SNX29: variants seen among roughly 807,000 people sequenced by gnomAD.
SNX29 encodes sorting nexin 29, also known as sorting nexin-29.
Under a neutral mutation model 102.1 loss-of-function variants are expected in SNX29, and 78 were observed. That is an observed-to-expected ratio of 0.76 (90% confidence interval 0.64 to 0.92). The LOEUF (loss-of-function observed/expected upper bound fraction) is 0.92. SNX29 is among the 40% of genes least tolerant of loss of function. SNX29 has a pLI of 0.00. For synonymous variants in SNX29, 580 were observed against 414.5 expected (o/e 1.40, Z -4.85); for missense variants, 1,280 against 1,061.7 (o/e 1.21, Z -2.86).
In SNX29 at chr16:11,980,371, T is replaced by C. The variant is rs78596539; in HGVS notation, c.7+3558T>C. 3.9e-5 allele frequency among the ~76,000 whole-genome samples: 6 copies of C among 152,340 alleles called. No homozygotes were observed. The East Asian group carries it at 5.8e-4, about 15-fold the overall frequency. ...ATTCCTTTTTGTGGCCACATTATAT[T>C]CCTTTATGTGGATATCATATTTTGT... On this transcript the variant is annotated intron_variant, in intron 1 of 20. Coordinates refer to ENST00000566228, the MANE Select transcript of SNX29 (RefSeq NM_032167.5).
intron 18 of SNX29, among the ~76,000 whole-genome samples, chr16:12,441,013 C>G (rs2085775993): frequency 6.6e-6 from 1 of 151,492 alleles, no homozygotes; most frequent in South Asian, 2.1e-4. Context: ...ACGTGGCCTT[C>G]TATGCTTGGC....
At chr16:12,558,005 G>A (rs758376490) in intron 20 of SNX29, among the ~76,000 whole-genome samples, 4 of 152,106 alleles carry the variant, frequency 2.6e-5, no homozygotes. Context: ...GGTTGGGCTG[G>A]GTGCTGCAGT....
chr16:12,250,216 C>T (rs572532485), intron 14 of SNX29, among the ~76,000 whole-genome samples: 4 of 152,316 alleles, frequency 2.6e-5, no homozygotes, highest in Non-Finnish European at 4.4e-5. Flanking sequence ...AGAGCGGGCA[C>T]GGGAGTTGAA....
At chr16:12,560,071 A>AT (rs2078631428) in intron 20 of SNX29, among the ~76,000 whole-genome samples, 2 of 152,010 alleles carry the variant, frequency 1.3e-5, no homozygotes, top group Non-Finnish European at 2.9e-5. Flanking sequence ...CTATGTAACT[A>AT]CTGTCCTAAC....
intron 18 of SNX29, among the ~76,000 whole-genome samples, chr16:12,425,647 G>A (rs745937784): frequency 5.3e-5 from 8 of 151,828 alleles, no homozygotes; most frequent in Admixed American, 1.3e-4. Context: ...ATGGACAGAC[G>A]TATCTGGTTT....
intron 1 of SNX29, among the ~76,000 whole-genome samples, chr16:11,982,553 C>A (rs1242729776): frequency 6.6e-6 from 1 of 151,882 alleles, no homozygotes; most frequent in Non-Finnish European, 1.5e-5. Context: ...CCTCAGCCTC[C>A]CGAGTAGCTG....
intron 9 of SNX29, among the ~76,000 whole-genome samples, chr16:12,064,752 A>G (rs2050946072): frequency 6.6e-6 from 1 of 152,186 alleles, no homozygotes; most frequent in Non-Finnish European, 1.5e-5. Context: ...ACTGGTGCCA[A>G]GACTCTGCCT....
intron 16 of SNX29, among the ~76,000 whole-genome samples, chr16:12,378,989 T>C (rs566066632): frequency 6.6e-6 from 1 of 152,176 alleles, no homozygotes. Flanking sequence ...GGACAAGATA[T>C]GCTGATTGAC....
intron 18 of SNX29, among the ~76,000 whole-genome samples, chr16:12,467,122 C>G (rs992769636): frequency 6.6e-6 from 1 of 152,228 alleles, no homozygotes; most frequent in Non-Finnish European, 1.5e-5. Flanking sequence ...TCACTTCTAA[C>G]TAGCTCTTTG....
intron 4 of SNX29, among the ~76,000 whole-genome samples, chr16:12,032,760 T>C (rs1162309629): frequency 6.6e-6 from 1 of 152,042 alleles, no homozygotes; most frequent in Non-Finnish European, 1.5e-5. Context: ...GGGTTTTCCA[T>C]AGAGGCTATA....
At chr16:12,419,694 G>C (rs932092966) in intron 18 of SNX29, among the ~76,000 whole-genome samples, 2 of 152,100 alleles carry the variant, frequency 1.3e-5, no homozygotes, top group African/African-American at 4.8e-5. Context: ...GCTGCCCCCA[G>C]GGGAAAGGCC....
chr16:12,516,481 GAA>G (rs5815691), intron 19 of SNX29, among the ~76,000 whole-genome samples: 16 of 109,522 alleles, frequency 1.5e-4, no homozygotes, highest in East Asian at 5.3e-4. Flanking sequence ...TCCCGTCTCA[GAA>G]AAAAAAAAAA....
rs759841495 is a variant in SNX29, at chr16:12,061,546, C to G, written c.1143C>G (p.Thr381=). The stretch of plus-strand genomic sequence containing the variant: ...ACCTTAGGCCACTGGAAGGGAACAC[C>G]TGCCTCTCCCAGATGCACAGCTGGG... ...ESPEKPLEGN[T]CLSQMHSWAP... The change falls in exon 9 of 21, where the codon ACC becomes ACG. Residue 381 remains threonine (T), a synonymous_variant. Transcript: ENST00000566228. 6 of 1,606,470 alleles carry G rather than the reference C, an allele frequency of 3.7e-6. No homozygotes were observed. The East Asian group carries it at 8.9e-5, about 24-fold the overall frequency.
At chr16:12,067,267 GA>G (rs968411567) in intron 9 of SNX29, among the ~76,000 whole-genome samples, 4 of 152,054 alleles carry the variant, frequency 2.6e-5, no homozygotes, top group African/African-American at 9.7e-5. Flanking sequence ...CAAGGTAGAA[GA>G]AAAGGTTAAA....
chr16:12,300,470 T>A (rs2080132789), intron 15 of SNX29, among the ~76,000 whole-genome samples: 1 of 152,192 alleles, frequency 6.6e-6, no homozygotes, highest in South Asian at 2.1e-4. Context: ...TGTTTGGCAT[T>A]GTGTTTTGCC....
intron 11 of SNX29, chr16:12,087,993 C>T (rs768806959): frequency 1.5e-5 from 7 of 456,648 alleles, no homozygotes; most frequent in South Asian, 1.1e-4. Context: ...GTGCAGGGGG[C>T]CATGGTCCTT....
Position 12,573,654 on chromosome 16 carries a change from C to T in SNX29, c.*5025C>T, listed in dbSNP as rs1184212883. 1.3e-5 allele frequency: 3 copies of T among 222,270 alleles called. No homozygotes were observed. The highest frequency in any genetic ancestry group is 6.7e-5 in the African/African-American group (3 of 44,730). The allele number at this position is 222,270 out of a possible 1,614,324, so 13.8% of individuals were successfully genotyped here. ...ACGGCAAGGGGAACCACCACTCATTCACTGTCAGTGTAGGTAAGACAGAGG... is the reference window on the plus strand; with the variant it reads ...ACGGCAAGGGGAACCACCACTCATTTACTGTCAGTGTAGGTAAGACAGAGG... On this transcript the variant is annotated 3_prime_UTR_variant, in exon 21 of 21. Coordinates refer to ENST00000566228, the MANE Select transcript of SNX29 (RefSeq NM_032167.5).
intron 19 of SNX29, among the ~76,000 whole-genome samples, chr16:12,494,745 G>T (rs1247265973): frequency 2.0e-5 from 3 of 152,204 alleles, no homozygotes; most frequent in East Asian, 3.9e-4. Flanking sequence ...TGAGTTAACT[G>T]CCTGATCCTC....
intron 11 of SNX29, among the ~76,000 whole-genome samples, chr16:12,086,153 G>A (rs934615734): frequency 1.2e-4 from 18 of 151,728 alleles, no homozygotes; most frequent in Non-Finnish European, 2.2e-4. Context: ...ACAGGCGCCC[G>A]CCACCACGCC....
Sources: allele counts gnomAD v4.1 joint callset (sites outside exome capture counted in the v4.1 genomes callset), GRCh38; gene constraint gnomAD v4.1.1; transcripts MANE v1.5; gene names NCBI Gene and HGNC (gene_info 2026-07-23, HGNC 2026-07-21).